CNTNAP2: variants seen among roughly 807,000 people sequenced by gnomAD.
The protein encoded by CNTNAP2 is contactin-associated protein-like 2.
A neutral mutation model predicts 155.2 loss-of-function variants in CNTNAP2; 98 were observed. The ratio of observed to expected loss-of-function variants is 0.63; its 90% CI spans 0.54 to 0.75. CNTNAP2 has a LOEUF of 0.75. Ranked by LOEUF, CNTNAP2 falls within the 30% of genes least tolerant of loss-of-function variation. The pLI is 0.00. For missense variants in CNTNAP2, 1,727 were observed against 1,688.1 expected (o/e 1.02, Z -0.40); for synonymous variants, 651 against 631.2 (o/e 1.03, Z -0.47).
intron 15 of CNTNAP2, among the ~76,000 whole-genome samples, chr7:147,985,050 G>A (rs953124977): frequency 2.0e-5 from 3 of 152,044 alleles, no homozygotes; most frequent in Non-Finnish European, 2.9e-5. Flanking sequence ...AGGAGGCAGA[G>A]GTTGCAGTGA....
chr7:147,450,071 T>C lies in CNTNAP2; in HGVS notation c.1671-35864T>C, dbSNP rs573856124. 2.0e-5 allele frequency among the ~76,000 whole-genome samples: 3 copies of C among 152,324 alleles called. No individual in the cohort carries two copies. The South Asian group carries it at 6.2e-4, about 32-fold the overall frequency. On this transcript the variant is annotated intron_variant, in intron 10 of 23. Transcript: ENST00000361727. ...CAAAACCTGTATTTATGACAAGATA[T>C]CACTCCCATGATCATGTTATAGTAT...
In CNTNAP2 at chr7:146,245,816, C is replaced by T. The variant is rs542811081; in HGVS notation, c.97+128843C>T. 5.3e-3 allele frequency among the ~76,000 whole-genome samples: 799 copies of T among 151,006 alleles called. 4 individuals carry two copies. The highest frequency in any genetic ancestry group is 0.019 in the African/African-American group (757 of 40,748). On this transcript the variant is annotated intron_variant, in intron 1 of 23. Transcript: ENST00000361727. ...GTATCAGGGTCAGTCCAAGTGAAAG[C>T]GAAGAGAGGCTGGGATGACGGGTGC...
At position 146,728,438 on chromosome 7, in the gene CNTNAP2, G is replaced by T. The variant is rs6976154; in HGVS notation, c.98-45833G>T. Among the ~76,000 whole-genome samples the T allele has an allele frequency of 1.4e-3, 214 of 152,126 alleles. 1 individual carries two copies. Among genetic ancestry groups the T allele is most frequent in the Non-Finnish European group, 1.4e-3 (98 of 67,988 alleles). ...CCAGTTTTGTCATTGGCACTTACTGGTTTTTTGCTTGTTTGTTAGATATCT... is the reference window on the plus strand; with the variant it reads ...CCAGTTTTGTCATTGGCACTTACTGTTTTTTTGCTTGTTTGTTAGATATCT... On this transcript the variant is annotated intron_variant, in intron 1 of 23. Transcript: ENST00000361727.
At chr7:148,182,961 A>G (rs1290059304) in intron 18 of CNTNAP2, among the ~76,000 whole-genome samples, 1 of 152,260 alleles carries the variant, frequency 6.6e-6, no homozygotes, top group Admixed American at 6.5e-5. Context: ...AATTATTGGC[A>G]GTACAATTTA....
intron 13 of CNTNAP2, among the ~76,000 whole-genome samples, chr7:147,783,385 T>C (rs1406277144): frequency 6.6e-6 from 1 of 152,230 alleles, no homozygotes; most frequent in East Asian, 1.9e-4. Context: ...AGAAATTTAA[T>C]AGACTTACTA....
chr7:147,971,709 C>T (rs1450690605), intron 14 of CNTNAP2, among the ~76,000 whole-genome samples: 5 of 152,154 alleles, frequency 3.3e-5, no homozygotes, highest in Non-Finnish European at 7.4e-5. Context: ...TGGGCACTTG[C>T]GTGATTTCCA....
Position 148,402,320 on chromosome 7 carries a change from C to CT in CNTNAP2, c.3716-7062dup, listed in dbSNP as rs11302218. On this transcript the variant is annotated intron_variant, in intron 22 of 23. Transcript: ENST00000361727. Reference sequence around the variant, plus strand: ...TGAAATTGGAAATGCTGGCTGGCTACTTTTTTTTTAGAAACTAGGAAGTGA... The same window carrying CT: ...TGAAATTGGAAATGCTGGCTGGCTACTTTTTTTTTTAGAAACTAGGAAGTGA... Among the ~76,000 whole-genome samples, 303 of 151,472 alleles carry CT rather than the reference C, an allele frequency of 2.0e-3. 2 individuals are homozygous for CT. Among genetic ancestry groups the CT allele is most frequent in the African/African-American group, 5.9e-3 (244 of 41,268 alleles).
intron 3 of CNTNAP2, among the ~76,000 whole-genome samples, chr7:146,862,249 TCTTTA>T (rs543495570): frequency 9.9e-4 from 151 of 152,294 alleles, no homozygotes; most frequent in African/African-American, 3.2e-3. Flanking sequence ...TTGAATTAAT[TCTTTA>T]CTTAAATCTC....
At chr7:147,976,373 C>A (rs1428448827) in intron 14 of CNTNAP2, among the ~76,000 whole-genome samples, 1 of 152,110 alleles carries the variant, frequency 6.6e-6, no homozygotes. Flanking sequence ...GGCTTTGTTT[C>A]CTCTTTGGCA....
At chr7:147,629,524 T>C (rs899740767) in intron 12 of CNTNAP2, among the ~76,000 whole-genome samples, 2 of 151,760 alleles carry the variant, frequency 1.3e-5, no homozygotes, top group African/African-American at 4.8e-5. Context: ...CTGCAGGATA[T>C]ACATTACTTT....
At chr7:147,852,522 T>TA (rs1427386748) in intron 13 of CNTNAP2, among the ~76,000 whole-genome samples, 1 of 152,120 alleles carries the variant, frequency 6.6e-6, no homozygotes, top group African/African-American at 2.4e-5. Flanking sequence ...TACGTTAAAA[T>TA]AAAAAAATTA....
intron 8 of CNTNAP2, among the ~76,000 whole-genome samples, chr7:147,207,611 TGAA>T (rs2116564251): frequency 6.6e-6 from 1 of 152,214 alleles, no homozygotes; most frequent in African/African-American, 2.4e-5. Context: ...GGAAAGAAAA[TGAA>T]GTTCTGTTAA....
chr7:147,603,293 A>C (rs1800991942), intron 12 of CNTNAP2, among the ~76,000 whole-genome samples: 1 of 152,114 alleles, frequency 6.6e-6, no homozygotes, highest in Non-Finnish European at 1.5e-5. Context: ...TCTTTTGAGA[A>C]GTGTCTGTTT....
intron 3 of CNTNAP2, among the ~76,000 whole-genome samples, chr7:146,936,325 C>G (rs866971501): frequency 2.5e-4 from 38 of 152,230 alleles, no homozygotes; most frequent in Middle Eastern, 3.4e-3. Context: ...CACATAGATC[C>G]TAGAACAGAC....
At chr7:147,969,929 TTTTA>T (rs1312004213) in intron 14 of CNTNAP2, among the ~76,000 whole-genome samples, 3 of 151,426 alleles carry the variant, frequency 2.0e-5, no homozygotes, top group African/African-American at 7.3e-5. Context: ...TTTTATTTTA[TTTTA>T]TTTATTTTAT....
intron 2 of CNTNAP2, among the ~76,000 whole-genome samples, chr7:146,831,669 C>CAAAAAAAAA (rs531970313): frequency 4.8e-4 from 8 of 16,806 alleles, no homozygotes; most frequent in African/African-American, 1.4e-3. Flanking sequence ...AGCAAGACGC[C>CAAAAAAAAA]AAAAAAAAAA....
At chr7:146,605,394 C>G (rs1037796010) in intron 1 of CNTNAP2, among the ~76,000 whole-genome samples, 2 of 151,404 alleles carry the variant, frequency 1.3e-5, no homozygotes, top group South Asian at 4.2e-4. Context: ...AACTCTTACT[C>G]TGGAAGCCAA....
chr7:147,413,285 G>A lies in CNTNAP2; in HGVS notation c.1670+17505G>A, dbSNP rs181477805. Among the ~76,000 whole-genome samples the A allele has an allele frequency of 3.0e-4, 46 of 152,280 alleles. 1 individual carries two copies. The East Asian group carries it at 4.5e-3, about 15-fold the overall frequency. On this transcript the variant is annotated intron_variant, in intron 10 of 23. Transcript: ENST00000361727. ...GGAGAAACTAGATTTTGGATGTCAC[G>A]AGGGAATGGAAGCGTTGGAGAAAAG...
rs1005159090 is a variant in CNTNAP2, at chr7:148,138,933, A to T, written c.2555-8558A>T. Among the ~76,000 whole-genome samples the T allele has an allele frequency of 5.3e-5, 8 of 152,352 alleles. No homozygotes were observed. In the South Asian group the frequency reaches 1.7e-3, roughly 32 times the overall value. The stretch of plus-strand genomic sequence containing the variant: ...TTATTCTCAAAAGGTGGTTAAATGC[A>T]TAGAAAAACTAAAATTAGAAGAGCT... On this transcript the variant is annotated intron_variant, in intron 16 of 23. Coordinates refer to ENST00000361727, the MANE Select transcript of CNTNAP2 (RefSeq NM_014141.6).
Sources: gnomAD v4.1 joint callset for allele counts (sites outside exome capture counted in the v4.1 genomes callset) on GRCh38, gnomAD v4.1.1 for gene constraint, MANE v1.5 for transcripts, NCBI Gene and HGNC (gene_info 2026-07-23, HGNC 2026-07-21) for gene names.